Variants in EPG5 observed in about 807,000 individuals in gnomAD.
EPG5 encodes the protein ectopic P-granules 5 autophagy tethering factor.
A neutral mutation model predicts 302.7 loss-of-function variants in EPG5; 159 were observed. That is an observed-to-expected ratio of 0.53 (90% CI 0.46 to 0.60). The LOEUF (loss-of-function observed/expected upper bound fraction) is 0.60, where lower values mean the gene tolerates loss of function less well. Ranked by LOEUF, EPG5 falls within the 20% of genes least tolerant of loss-of-function variation. The probability of loss-of-function intolerance (pLI) is 0.00; values close to 1 mark genes in which losing one functional copy is unlikely to be tolerated. For missense variants in EPG5, 2,896 were observed against 3,092.4 expected, an observed-to-expected ratio of 0.94 and a Z score of 1.51; for synonymous variants, 1,158 against 1,136.8, an observed-to-expected ratio of 1.02 and a Z score of -0.37.
At chr18:45,961,777 G>A (rs2051153255) in intron 1 of EPG5, among the ~76,000 whole-genome samples, 1 of 150,816 alleles carries the variant, frequency 6.6e-6, no homozygotes, top group African/African-American at 2.4e-5. Context: ...AGAATTGCTT[G>A]AACCTGGGAG....
At chr18:45,954,085 G>A (rs2050970335) in intron 2 of EPG5, 1 of 261,536 alleles carries the variant, frequency 3.8e-6, no homozygotes, top group Admixed American at 6.5e-5. Flanking sequence ...AGTTTTTCTT[G>A]TAAAATCATA....
intron 7 of EPG5, among the ~76,000 whole-genome samples, chr18:45,945,477 C>T (rs1392045034): frequency 6.6e-6 from 1 of 152,182 alleles, no homozygotes; most frequent in African/African-American, 2.4e-5. Context: ...CTTGAATTCA[C>T]TGAATATTTA....
the EPG5 span, among the ~76,000 whole-genome samples, chr18:45,841,679 G>C: frequency 1.3e-5 from 2 of 152,176 alleles, no homozygotes; most frequent in African/African-American, 4.8e-5. Context: ...CCTGAGCCCT[G>C]GGTCCCACTT....
chr18:45,811,602 C>A, the EPG5 span, among the ~76,000 whole-genome samples: 3 of 152,188 alleles, frequency 2.0e-5, no homozygotes, highest in East Asian at 5.8e-4. Context: ...AGATACAAGG[C>A]TGGTTCAGCA....
intron 10 of EPG5, among the ~76,000 whole-genome samples, chr18:45,936,043 T>C (rs2050515789): frequency 6.6e-6 from 1 of 152,158 alleles, no homozygotes; most frequent in Non-Finnish European, 1.5e-5. Context: ...CCTGGAGACT[T>C]TCTGGAAAAT....
downstream of EPG5, among the ~76,000 whole-genome samples, chr18:45,844,239 T>A (rs2048348006): frequency 6.6e-6 from 1 of 151,912 alleles, no homozygotes; most frequent in African/African-American, 2.4e-5. Context: ...CATGGAGTAA[T>A]AGAATAATGG....
intron 13 of EPG5, among the ~76,000 whole-genome samples, chr18:45,926,258 T>C (rs2145785713): frequency 6.6e-6 from 1 of 152,308 alleles, no homozygotes; most frequent in Middle Eastern, 3.4e-3. Flanking sequence ...TTTAAGTAAT[T>C]ATTCATTCTA....
intron 42 of EPG5, among the ~76,000 whole-genome samples, chr18:45,855,967 C>T (rs1220522848): frequency 6.6e-6 from 1 of 152,180 alleles, no homozygotes; most frequent in Non-Finnish European, 1.5e-5. Context: ...GTAAATGGTG[C>T]AGGCACTAGG....
chr18:45,825,079 C>T, the EPG5 span, among the ~76,000 whole-genome samples: 1 of 141,846 alleles, frequency 7.0e-6, no homozygotes, highest in African/African-American at 2.6e-5. Flanking sequence ...CTGCCCTCTG[C>T]ATTCTTGACC....
Position 45,931,384 on chromosome 18 carries a change from C to T in EPG5, c.2258-554G>A, listed in dbSNP as rs146362072. ...ATGAAATACTAATGAATGTCATAAA[C>T]GATATAATAAATGTGATATGTTTTG... On this transcript the variant is annotated intron_variant, in intron 11 of 43. Transcript: ENST00000282041. 5.0e-3 allele frequency among the ~76,000 whole-genome samples: 758 copies of T among 152,120 alleles called. 5 individuals carry two copies. The highest frequency in any genetic ancestry group is 9.1e-3 in the Non-Finnish European group (620 of 68,010).
intron 13 of EPG5, among the ~76,000 whole-genome samples, chr18:45,926,857 A>G (rs1304165497): frequency 6.6e-6 from 1 of 151,646 alleles, no homozygotes; most frequent in Non-Finnish European, 1.5e-5. Flanking sequence ...AACACTTGAG[A>G]AAAATGTCAT....
chr18:45,880,349 G>T, intron 31 of EPG5, 126 bp from the exon 32 acceptor site: 1 of 887,866 alleles, frequency 1.1e-6, no homozygotes, highest in Non-Finnish European at 1.6e-6. Flanking sequence ...CAAACTCACA[G>T]GGATATCTGG....
chr18:45,966,480 G>A (rs1362657882), intron 1 of EPG5, among the ~76,000 whole-genome samples: 1 of 151,604 alleles, frequency 6.6e-6, no homozygotes, highest in African/African-American at 2.4e-5. Flanking sequence ...GTGTATATAT[G>A]TACTATAATA....
At chr18:45,871,275 G>A (rs1050121415) in intron 35 of EPG5, among the ~76,000 whole-genome samples, 16 of 152,192 alleles carry the variant, frequency 1.1e-4, no homozygotes, top group Non-Finnish European at 1.9e-4. Context: ...AAAGATGAAC[G>A]ATAACAAGTG....
intron 6 of EPG5, among the ~76,000 whole-genome samples, chr18:45,948,230 A>C (rs147729921): frequency 6.6e-6 from 1 of 152,364 alleles, no homozygotes; most frequent in Non-Finnish European, 1.5e-5. Context: ...TTCTTCCAAG[A>C]AACAGATCAC....
intron 36 of EPG5, among the ~76,000 whole-genome samples, chr18:45,869,832 T>C (rs1377264680): frequency 2.0e-5 from 3 of 151,704 alleles, no homozygotes. Context: ...TTAAGGTGTC[T>C]CAACAATAAA....
chr18:45,868,339 CTT>C (rs370701330), intron 36 of EPG5, among the ~76,000 whole-genome samples: 20 of 138,074 alleles, frequency 1.4e-4, no homozygotes, highest in Non-Finnish European at 1.9e-4. Flanking sequence ...TTCCTTTTTC[CTT>C]TTTTTTTTTT....
At chr18:45,875,921 G>A (rs558972044) in intron 35 of EPG5, among the ~76,000 whole-genome samples, 9 of 152,144 alleles carry the variant, frequency 5.9e-5, no homozygotes, top group Non-Finnish European at 1.2e-4. Flanking sequence ...GCCAGGTGTG[G>A]CGGCATGCGC....
In EPG5 at chr18:45,954,404, A is replaced by G. The variant is rs1052199553; in HGVS notation, c.998T>C (p.Met333Thr). The change falls in exon 2 of 44, where the codon ATG (methionine) becomes ACG (threonine). Residue 333 changes from methionine (M) to threonine (T), a missense_variant. This residue lies in a region of EPG5 where 1,390 missense variants were observed against 1,430.0 expected (regional missense o/e 0.97). Transcript: ENST00000282041. Reference sequence around the variant, plus strand: ...TTCTGATCAAAATACCTGTACAGACATTTGTTCCTCCTTAAACTGCCACAG... The same window carrying G: ...TTCTGATCAAAATACCTGTACAGACGTTTGTTCCTCCTTAAACTGCCACAG... ...SRLWQFKEEQ[M>T]SVQGICADQV... 1 of 1,606,214 alleles carries G rather than the reference A, an allele frequency of 6.2e-7. No individual in the cohort carries two copies. Among genetic ancestry groups the G allele is most frequent in the African/African-American group, 1.3e-5 (1 of 74,800 alleles).
Sources: gnomAD v4.1 joint callset for allele counts (sites outside exome capture counted in the v4.1 genomes callset) on GRCh38, gnomAD v4.1.1 for gene constraint, gnomAD v4.1.1 regional missense constraint, MANE v1.5 for transcripts, NCBI Gene and HGNC (gene_info 2026-07-23, HGNC 2026-07-21) for gene names.